The following MAGI2 variants were observed in gnomAD, a reference collection of about 807,000 sequenced individuals.
The protein encoded by MAGI2 is membrane-associated guanylate kinase, WW and PDZ domain-containing protein 2.
In MAGI2, 35 loss-of-function variants were observed where a neutral mutation model predicts 133.3. The ratio of observed to expected loss-of-function variants is 0.26; its 90% CI spans 0.20 to 0.35. The LOEUF is 0.35. Among genes scored for constraint, MAGI2 ranks in the 10% least tolerant of loss-of-function variants. The probability of loss-of-function intolerance (pLI) is 1.00; values close to 1 mark genes in which losing one functional copy is unlikely to be tolerated. For synonymous variants in MAGI2, 729 were observed against 710.6 expected (o/e 1.03, Z -0.41); for missense variants, 1,636 against 1,863.4 (o/e 0.88, Z 2.25).
intron 2 of MAGI2, among the ~76,000 whole-genome samples, chr7:78,634,964 A>G (rs1809471096): frequency 1.3e-5 from 2 of 152,176 alleles, no homozygotes; most frequent in African/African-American, 4.8e-5. Flanking sequence ...CAAAGGAAAA[A>G]TAAATAGAAC....
chr7:78,893,978 T>C lies in MAGI2; in HGVS notation c.418+113112A>G, dbSNP rs182890785. Among the ~76,000 whole-genome samples, 103 of 152,308 alleles carry C rather than the reference T, an allele frequency of 6.8e-4. 1 individual carries two copies. Among genetic ancestry groups the C allele is most frequent in the African/African-American group, 2.3e-3 (94 of 41,560 alleles). On this transcript the variant is annotated intron_variant, in intron 2 of 21. Coordinates refer to ENST00000354212, the MANE Select transcript of MAGI2 (RefSeq NM_012301.4). ...ATGAAAGCTCAAAGTTTAAGTGATT[T>C]TACAAAGTTATATGGCCAATAAATG... is the stretch of plus-strand genomic sequence containing the variant.
chr7:78,199,599 C>T (rs948851589), intron 11 of MAGI2, among the ~76,000 whole-genome samples: 8 of 152,090 alleles, frequency 5.3e-5, no homozygotes, highest in African/African-American at 1.7e-4. Flanking sequence ...GTACCAGCAC[C>T]CTAAACAAGT....
intron 3 of MAGI2, among the ~76,000 whole-genome samples, chr7:78,620,567 G>T (rs536161990): frequency 6.6e-6 from 1 of 152,036 alleles, no homozygotes; most frequent in East Asian, 1.9e-4. Context: ...TAATAAAATT[G>T]CTCAAGAAAC....
intron 1 of MAGI2, among the ~76,000 whole-genome samples, chr7:79,153,922 GTTAAA>G (rs1285957421): frequency 6.6e-6 from 1 of 152,116 alleles, no homozygotes; most frequent in Non-Finnish European, 1.5e-5. Context: ...AAACAGGAAA[GTTAAA>G]TTAAAGGAAG....
intron 1 of MAGI2, among the ~76,000 whole-genome samples, chr7:79,394,901 G>A (rs1042750411): frequency 6.6e-6 from 1 of 152,142 alleles, no homozygotes; most frequent in Non-Finnish European, 1.5e-5. Context: ...AATTCTTTCA[G>A]ACTATAAATA....
At chr7:78,811,774 G>A (rs924825311) in intron 2 of MAGI2, among the ~76,000 whole-genome samples, 8 of 152,194 alleles carry the variant, frequency 5.3e-5, no homozygotes, top group Non-Finnish European at 7.3e-5. Flanking sequence ...TTTAAAGAGT[G>A]GTGTGGTAGG....
intron 1 of MAGI2, among the ~76,000 whole-genome samples, chr7:79,292,675 T>C (rs1585454142): frequency 6.8e-6 from 1 of 147,224 alleles, no homozygotes; most frequent in African/African-American, 2.5e-5. Context: ...AATTGGGAGG[T>C]ACCCTCTATC....
chr7:78,826,347 C>T (rs1035996162), intron 2 of MAGI2, among the ~76,000 whole-genome samples: 10 of 133,700 alleles, frequency 7.5e-5, no homozygotes, highest in Non-Finnish European at 1.2e-4. Context: ...AGTGAGACTC[C>T]GTCTAAAAAA....
intron 6 of MAGI2, among the ~76,000 whole-genome samples, chr7:78,409,222 G>A (rs893416601): frequency 6.6e-6 from 1 of 152,026 alleles, no homozygotes; most frequent in African/African-American, 2.4e-5. Context: ...AGGACCCTGT[G>A]TCTTTTTTTA....
chr7:78,519,445 C>T (rs1796312603), intron 4 of MAGI2, among the ~76,000 whole-genome samples: 2 of 152,092 alleles, frequency 1.3e-5, no homozygotes, highest in African/African-American at 4.8e-5. Flanking sequence ...TTTACAGAGC[C>T]ACTGTTGGCA....
At chr7:78,793,796 G>C (rs541293584) in intron 2 of MAGI2, among the ~76,000 whole-genome samples, 2 of 152,276 alleles carry the variant, frequency 1.3e-5, no homozygotes, top group Admixed American at 1.3e-4. Context: ...AGTCTGTAAA[G>C]CCAAAAACTG....
intron 2 of MAGI2, among the ~76,000 whole-genome samples, chr7:78,938,231 C>CA (rs1470311225): frequency 1.3e-5 from 2 of 151,694 alleles, no homozygotes; most frequent in African/African-American, 2.4e-5. Flanking sequence ...GCAAATCTGA[C>CA]AAAAAATTAA....
intron 6 of MAGI2, among the ~76,000 whole-genome samples, chr7:78,454,343 T>C (rs1452432538): frequency 6.6e-6 from 1 of 152,198 alleles, no homozygotes; most frequent in Non-Finnish European, 1.5e-5. Flanking sequence ...CCTTCCTTTC[T>C]CTATACATGA....
intron 1 of MAGI2, among the ~76,000 whole-genome samples, chr7:79,404,252 A>G (rs920931992): frequency 3.3e-5 from 5 of 152,130 alleles, no homozygotes; most frequent in Non-Finnish European, 5.9e-5. Flanking sequence ...ATCAAGGCAA[A>G]TAGTAAATAA....
intron 2 of MAGI2, among the ~76,000 whole-genome samples, chr7:78,968,441 G>A (rs1339251611): frequency 1.3e-5 from 2 of 148,380 alleles, no homozygotes; most frequent in East Asian, 2.0e-4. Flanking sequence ...TTTTTTTTTG[G>A]TCTTAATGTA....
At chr7:78,604,191 G>A (rs944223798) in intron 3 of MAGI2, among the ~76,000 whole-genome samples, 1 of 152,056 alleles carries the variant, frequency 6.6e-6, no homozygotes, top group Non-Finnish European at 1.5e-5. Flanking sequence ...AAGAATATTG[G>A]GGACAGGGAA....
intron 1 of MAGI2, among the ~76,000 whole-genome samples, chr7:79,056,415 C>G (rs1009200351): frequency 2.6e-5 from 4 of 152,096 alleles, no homozygotes; most frequent in Non-Finnish European, 5.9e-5. Flanking sequence ...TCACAATGAA[C>G]TCCAAATCTC....
Position 78,019,767 on chromosome 7 carries a change from T to C in MAGI2, c.3916A>G (p.Lys1306Glu), listed in dbSNP as rs1417765409. 1 of 1,612,636 alleles carries C rather than the reference T, an allele frequency of 6.2e-7. No homozygotes were observed. ...KPKELSACGQ[K>E]KQRLGEQRER... is the part of the protein sequence containing the mutation. ...CTCTGCTCCCCGAGGCGCTGCTTCTTCTGGCCGCAGGCTGAAAGCTCCTTT... is the reference window on the plus strand; with the variant it reads ...CTCTGCTCCCCGAGGCGCTGCTTCTCCTGGCCGCAGGCTGAAAGCTCCTTT... Residue 1306 changes from lysine to glutamate, a missense_variant, in exon 22 of 22, where the codon AAG (lysine) becomes GAG (glutamate). Around this residue, in one of 5 missense-constraint regions of MAGI2, gnomAD observed 354 missense variants for 298.7 expected, o/e 1.19. Transcript: ENST00000354212.
chr7:78,812,871 T>C (rs146461172), intron 2 of MAGI2, among the ~76,000 whole-genome samples: 1 of 152,294 alleles, frequency 6.6e-6, no homozygotes, highest in East Asian at 1.9e-4. Flanking sequence ...AGAAAATGTG[T>C]AACAGTTATC....
Sources: gnomAD v4.1 joint callset for allele counts (sites outside exome capture counted in the v4.1 genomes callset) on GRCh38, gnomAD v4.1.1 for gene constraint, gnomAD v4.1.1 regional missense constraint, MANE v1.5 for transcripts, NCBI Gene and HGNC (gene_info 2026-07-23, HGNC 2026-07-21) for gene names.